COA7: variants seen among roughly 807,000 people sequenced by gnomAD.
The protein encoded by COA7 is Sel1 repeat containing 1.
A neutral mutation model predicts 21.0 loss-of-function variants in COA7; 12 were observed. The observed-to-expected ratio is 0.57, with a 90% CI of 0.37 to 0.92. COA7 has a LOEUF of 0.92. Among genes scored for constraint, COA7 ranks in the 40% least tolerant of loss-of-function variants. COA7 has a pLI of 0.01. For synonymous variants in COA7, 95 were observed against 107.4 expected, an observed-to-expected ratio of 0.88 and a Z score of 0.72; for missense variants, 240 against 286.1, an observed-to-expected ratio of 0.84 and a Z score of 1.16.
chr1:52,693,820 T>G (rs970994777), intron 1 of COA7, among the ~76,000 whole-genome samples: 3 of 152,092 alleles, frequency 2.0e-5, no homozygotes, highest in Non-Finnish European at 2.9e-5. Context: ...AGTGACAACA[T>G]ATATCTCTCA....
chr1:52,695,450 G>A (rs1458544348), intron 1 of COA7, among the ~76,000 whole-genome samples: 1 of 151,992 alleles, frequency 6.6e-6, no homozygotes. Flanking sequence ...GGGCGACAGA[G>A]TAATACCCTG....
rs1643989338 is a variant in COA7 at position 52,684,733 on chromosome 1, A to T, written c.*2987T>A. ...CAGGTATTTATAATTATAGTATCATACAGAGTAGTTTCGCTGCCCTAAAAA... is the reference window on the plus strand; with the variant it reads ...CAGGTATTTATAATTATAGTATCATTCAGAGTAGTTTCGCTGCCCTAAAAA... On this transcript the variant is annotated 3_prime_UTR_variant, in exon 3 of 3. Transcript: ENST00000371538. The T allele has an allele frequency of 6.6e-6, 1 of 152,180 alleles. No individual in the cohort carries two copies. The highest frequency in any genetic ancestry group is 1.5e-5 in the Non-Finnish European group (1 of 68,026). 9.4% of individuals were successfully genotyped at this position (152,180 alleles called of 1,614,324 possible). A position where few individuals can be genotyped will look rare whatever the true frequency, so the allele number is the denominator to read the frequency against.
chr1:52,695,297 GA>G lies in COA7; in HGVS notation c.107-2431del, dbSNP rs35222338. ...CAACAGAGCAAGACTCAGCCTCAGG[GA>G]AAAAAAAAAAAAAAAAAAAAGCCAG... On this transcript the variant is annotated intron_variant, in intron 1 of 2. Coordinates refer to ENST00000371538, the MANE Select transcript of COA7 (RefSeq NM_023077.3). Among the ~76,000 whole-genome samples, 658 of 68,230 alleles carry G rather than the reference GA, an allele frequency of 9.6e-3. 28 individuals are homozygous for G. The East Asian group carries it at 0.14, about 14-fold the overall frequency. 44.8% of individuals were successfully genotyped at this position (68,230 alleles called of 152,430 possible).
At chr1:52,692,211 C>A (rs1289015867) in intron 2 of COA7, among the ~76,000 whole-genome samples, 1 of 152,212 alleles carries the variant, frequency 6.6e-6, no homozygotes, top group African/African-American at 2.4e-5. Context: ...GAGGTACCCC[C>A]ACTAAACCAC....
intron 2 of COA7, 60 bp from the exon 3 acceptor site, chr1:52,688,228 A>C: frequency 3.1e-5 from 43 of 1,391,086 alleles, no homozygotes; most frequent in Non-Finnish European, 4.0e-5. Flanking sequence ...TAAATGTCTC[A>C]GGCCAAAGTC....
At chr1:52,688,260 TGGAGAAAGGGTC>T in intron 2 of COA7, 92 bp from the exon 3 acceptor site, 4 of 957,052 alleles carry the variant, frequency 4.2e-6, no homozygotes, top group Non-Finnish European at 6.1e-6. Flanking sequence ...TTTTTTTTTT[TGGAGAAAGGGTC>T]TTGCTTTGTT....
rs1644013897 is a variant in COA7 at position 52,687,474 on chromosome 1, A to G, written c.*246T>C. The stretch of plus-strand genomic sequence containing the variant: ...ACATGGCTATCTTCACAGAACATCC[A>G]GATGAAGGAATATTGACTGTAATAA... On this transcript the variant is annotated 3_prime_UTR_variant, in exon 3 of 3. Transcript: ENST00000371538. The G allele has an allele frequency of 7.9e-6, 4 of 503,774 alleles. No individual in the cohort carries two copies. Among genetic ancestry groups the G allele is most frequent in the Non-Finnish European group, 1.1e-5 (3 of 283,338 alleles). 31.2% of individuals were successfully genotyped at this position (503,774 alleles called of 1,614,324 possible).
chr1:52,692,373 T>G (rs1272935156), intron 2 of COA7, among the ~76,000 whole-genome samples: 1 of 152,236 alleles, frequency 6.6e-6, no homozygotes, highest in Non-Finnish European at 1.5e-5. Flanking sequence ...ACTGACCCCT[T>G]ACTCTGTGCC....
chr1:52,692,308 C>T lies in COA7; in HGVS notation c.247+419G>A, dbSNP rs1435305632. ...GCCATAGATAATGTAAACACTATGC[C>T]AGTGATAACTACAATTAGAGTACAA... On this transcript the variant is annotated intron_variant, in intron 2 of 2. Coordinates refer to ENST00000371538, the MANE Select transcript of COA7 (RefSeq NM_023077.3). Among the ~76,000 whole-genome samples, 3 of 152,258 alleles carry T rather than the reference C, an allele frequency of 2.0e-5. 1 individual carries two copies. The highest frequency in any genetic ancestry group is 4.1e-4 in the South Asian group (2 of 4,824).
At chr1:52,689,453 CTA>C (rs1448161040) in intron 2 of COA7, among the ~76,000 whole-genome samples, 2 of 151,794 alleles carry the variant, frequency 1.3e-5, no homozygotes, top group Admixed American at 6.6e-5. Flanking sequence ...TTCACCTGGC[CTA>C]TGAGATTTTT....
At position 52,687,909 on chromosome 1, in the gene COA7, G is replaced by T. The variant is rs775358730; in HGVS notation, c.507C>A (p.Asp169Glu). 4 of 1,614,198 alleles carry T rather than the reference G, an allele frequency of 2.5e-6. No individual in the cohort carries two copies. Among genetic ancestry groups the T allele is most frequent in the Non-Finnish European group, 3.4e-6 (4 of 1,180,044 alleles). The change falls in exon 3 of 3, where the codon GAC (aspartate) becomes GAA (glutamate). Residue 169 changes from aspartate (D) to glutamate (E), a missense_variant. Asp to Glu is a conservative substitution (Grantham distance 45, BLOSUM62 2). Around this residue, in one of 3 missense-constraint regions of COA7, gnomAD observed 163 missense variants for 214.1 expected, o/e 0.76. Transcript: ENST00000371538. The part of the protein sequence containing the change: ...QGAPGFPKDM[D>E]LACKYSMKAC... ...CTTTCATGGAGTATTTACATGCCAG[G>T]TCCATGTCCTTGGGAAAGCCTGGGG...
At chr1:52,694,509 T>G (rs1571719554) in intron 1 of COA7, among the ~76,000 whole-genome samples, 1 of 142,466 alleles carries the variant, frequency 7.0e-6, no homozygotes, top group African/African-American at 2.7e-5. Flanking sequence ...AGGCAATATA[T>G]CCATGTAACA....
At chr1:52,690,350 C>T (rs1387003427) in intron 2 of COA7, among the ~76,000 whole-genome samples, 1 of 151,824 alleles carries the variant, frequency 6.6e-6, no homozygotes, top group African/African-American at 2.4e-5. Flanking sequence ...AAATAACCAT[C>T]ATTATCATTA....
intron 2 of COA7, among the ~76,000 whole-genome samples, chr1:52,688,706 A>G (rs1644024360): frequency 6.6e-6 from 1 of 152,190 alleles, no homozygotes; most frequent in Non-Finnish European, 1.5e-5. Flanking sequence ...TGTCCATACT[A>G]TGAGCTCAGG....
Position 52,688,107 on chromosome 1 carries a change from A to G in COA7, c.309T>C (p.Pro103=). 6.2e-7 allele frequency: 1 copy of G among 1,613,940 alleles called. No homozygotes were observed. Among genetic ancestry groups the G allele is most frequent in the South Asian group, 1.1e-5 (1 of 91,084 alleles). ...GACATGCTGCTATTGACTTCTTTCCAGGCTTCTCACACGCCATCAAAAAGC... is the reference window on the plus strand; with the variant it reads ...GACATGCTGCTATTGACTTCTTTCCGGGCTTCTCACACGCCATCAAAAAGC... The part of the protein sequence containing the change: ...ARCFLMACEK[P]GKKSIAACHN... Residue 103 remains proline, a synonymous_variant, in exon 3 of 3, where the codon CCT becomes CCC. Transcript: ENST00000371538.
At chr1:52,691,476 T>G (rs1387152945) in intron 2 of COA7, among the ~76,000 whole-genome samples, 3 of 150,440 alleles carry the variant, frequency 2.0e-5, no homozygotes, top group East Asian at 1.9e-4. Flanking sequence ...GTGTGTTTTT[T>G]TTTTTTTTTT....
At chr1:52,689,984 G>A (rs1029034423) in intron 2 of COA7, among the ~76,000 whole-genome samples, 2 of 147,360 alleles carry the variant, frequency 1.4e-5, no homozygotes, top group African/African-American at 2.5e-5. Context: ...CAGAGATCGC[G>A]CCATTGCACT....
intron 2 of COA7, among the ~76,000 whole-genome samples, chr1:52,690,011 A>G (rs1250152947): frequency 1.1e-4 from 16 of 148,198 alleles, no homozygotes; most frequent in Non-Finnish European, 1.5e-5. Flanking sequence ...TAGATGACAG[A>G]GCATAACTCT....
Position 52,687,893 on chromosome 1 carries a change from A to C in COA7, c.523T>G (p.Ser175Ala), listed in dbSNP as rs1367680744. Residue 175 changes from serine to alanine, a missense_variant, in exon 3 of 3, where the codon TCC becomes GCC. Coordinates refer to ENST00000371538, the MANE Select transcript of COA7 (RefSeq NM_023077.3). ...PKDMDLACKY[S>A]MKACDLGHIW... ...TGACCCAGGTCACAGGCTTTCATGG[A>C]GTATTTACATGCCAGGTCCATGTCC... 6.2e-7 allele frequency: 1 copy of C among 1,614,112 alleles called. No homozygotes were observed.
Sources: allele counts gnomAD v4.1 joint callset (sites outside exome capture counted in the v4.1 genomes callset), GRCh38; gene constraint gnomAD v4.1.1; regional missense constraint gnomAD v4.1.1; transcripts MANE v1.5; gene names NCBI Gene and HGNC (gene_info 2026-07-23, HGNC 2026-07-21).